The following KCNQ1OT1 variants were observed in gnomAD, a reference collection of about 807,000 sequenced individuals.
KCNQ1OT1 encodes the protein KCNQ1 antisense RNA 2 (non-protein coding).
chr11:2,699,978 G>A (rs970080056), exon 1 of KCNQ1OT1: 25 of 398,328 alleles, frequency 6.3e-5, no homozygotes, highest in South Asian at 1.3e-4. Context: ...GTGCTGAGGC[G>A]ACGCGGCGAC....
In KCNQ1OT1 at chr11:2,691,340, A is replaced by G. The variant is rs1010830629; in HGVS notation, n.8655T>C. The G allele has an allele frequency of 7.5e-6, 3 of 398,644 alleles. No homozygotes were observed. Among genetic ancestry groups the G allele is most frequent in the Non-Finnish European group, 1.3e-5 (3 of 226,088 alleles). The allele number at this position is 398,644 out of a possible 1,614,324, so 24.7% of individuals were successfully genotyped here. ...CTGAGCTACAATCCACTGCACTTAC[A>G]GTGACCACCCATCCTGACATCTTGG... On this transcript the variant is annotated non_coding_transcript_exon_variant, in exon 1 of 1. Coordinates refer to ENST00000597346, the Ensembl canonical transcript of KCNQ1OT1. The surrounding 1 kb of genome is among the most constrained non-coding windows in gnomAD (Gnocchi z 6.4).
chr11:2,673,749 AC>A lies in KCNQ1OT1; in HGVS notation n.26245del. 2.5e-6 allele frequency: 1 copy of A among 398,584 alleles called. No homozygotes were observed. Among genetic ancestry groups the A allele is most frequent in the East Asian group, 3.6e-5 (1 of 27,964 alleles). 24.7% of individuals were successfully genotyped at this position (398,584 alleles called of 1,614,324 possible). A position where few individuals can be genotyped will look rare whatever the true frequency, so the allele number is the denominator to read the frequency against. ...GCCCAGACTGGACAGGGGAAGGGGT[AC>A]AGTCCCTTCTTGCTGGTATGTTGGG... On this transcript the variant is annotated non_coding_transcript_exon_variant, in exon 1 of 1. Transcript: ENST00000597346. The surrounding 1 kb of genome is among the most constrained non-coding windows in gnomAD (Gnocchi z 4.5).
At chr11:2,688,465 C>A (rs538392395) in exon 1 of KCNQ1OT1, 1 of 398,750 alleles carries the variant, frequency 2.5e-6, no homozygotes, top group South Asian at 1.3e-4. Context: ...CAGGAGAACA[C>A]CACACTGAGG....
exon 1 of KCNQ1OT1, chr11:2,662,669 C>T (rs888444744): frequency 3.0e-5 from 12 of 405,076 alleles, no homozygotes; most frequent in Admixed American, 1.2e-4. Flanking sequence ...CATGTGACTC[C>T]CCGCTGGGGT....
chr11:2,641,713 C>A, exon 1 of KCNQ1OT1: 1 of 398,350 alleles, frequency 2.5e-6, no homozygotes, highest in Non-Finnish European at 4.4e-6. Context: ...TTCCCTAGAC[C>A]AATGTCCTAA....
Position 2,611,785 on chromosome 11 carries a change from CCT to C in KCNQ1OT1, n.88208_88209del, listed in dbSNP as rs1383997181. ...CTATATGTCTCATATCACTTTTGTT[CCT>C]CTCTTCCTCCTTTACTGCCTTCTGC... On this transcript the variant is annotated non_coding_transcript_exon_variant, in exon 1 of 1. Coordinates refer to ENST00000597346, the Ensembl canonical transcript of KCNQ1OT1. The surrounding 1 kb of genome is among the most constrained non-coding windows in gnomAD (Gnocchi z 5.3). The C allele has an allele frequency of 2.5e-6, 1 of 398,200 alleles. No individual in the cohort carries two copies. The highest frequency in any genetic ancestry group is 2.1e-5 in the African/African-American group (1 of 48,562). The allele number at this position is 398,200 out of a possible 1,614,324, so 24.7% of individuals were successfully genotyped here. A position where few individuals can be genotyped will look rare whatever the true frequency, so the allele number is the denominator to read the frequency against.
exon 1 of KCNQ1OT1, chr11:2,615,403 C>G (rs1344098762): frequency 5.0e-6 from 2 of 397,838 alleles, no homozygotes; most frequent in Non-Finnish European, 8.9e-6. Flanking sequence ...GTTTATTTAT[C>G]TGCCTAATTG....
At position 2,678,884 on chromosome 11, in the gene KCNQ1OT1, G is replaced by C; in HGVS notation, n.21111C>G. 2.5e-6 allele frequency: 1 copy of C among 398,526 alleles called. No individual in the cohort carries two copies. The highest frequency in any genetic ancestry group is 4.4e-5 in the Admixed American group (1 of 22,730). 24.7% of individuals were successfully genotyped at this position (398,526 alleles called of 1,614,324 possible). On this transcript the variant is annotated non_coding_transcript_exon_variant, in exon 1 of 1. Coordinates refer to ENST00000597346, the Ensembl canonical transcript of KCNQ1OT1. This position sits in a 1 kb window ranked among gnomAD's most constrained non-coding sequence, Gnocchi z 4.9. ...ACAGGAGTTGCCAGCTGGACCCAAG[G>C]ACCATTTCGTATACATGTATGATCA...
Position 2,690,868 on chromosome 11 carries a change from A to G in KCNQ1OT1, n.9127T>C, listed in dbSNP as rs1336968183. On this transcript the variant is annotated non_coding_transcript_exon_variant, in exon 1 of 1. Coordinates refer to ENST00000597346, the Ensembl canonical transcript of KCNQ1OT1. This position sits in a 1 kb window ranked among gnomAD's most constrained non-coding sequence, Gnocchi z 5.1. ...TAGGAACAGGTACCTTTAGGGACAC[A>G]GGAGTGTAAGCCACTGTTTCCGTCT... is the stretch of plus-strand genomic sequence containing the variant. The G allele has an allele frequency of 2.5e-6, 1 of 398,512 alleles. No homozygotes were observed. The highest frequency in any genetic ancestry group is 4.4e-6 in the Non-Finnish European group (1 of 226,080). The allele number at this position is 398,512 out of a possible 1,614,324, so 24.7% of individuals were successfully genotyped here. A position where few individuals can be genotyped will look rare whatever the true frequency, so the allele number is the denominator to read the frequency against.
At chr11:2,694,165 CTGAT>C (rs1850634473) in exon 1 of KCNQ1OT1, 1 of 398,554 alleles carries the variant, frequency 2.5e-6, no homozygotes, top group Non-Finnish European at 4.4e-6. Context: ...AGAGGGTACT[CTGAT>C]TGGCCAGGCC....
chr11:2,621,717 C>A lies in KCNQ1OT1; in HGVS notation n.78278G>T, dbSNP rs1295458180. On this transcript the variant is annotated non_coding_transcript_exon_variant, in exon 1 of 1. Coordinates refer to ENST00000597346, the Ensembl canonical transcript of KCNQ1OT1. The surrounding 1 kb of genome is among the most constrained non-coding windows in gnomAD (Gnocchi z 5.7). Reference sequence around the variant, plus strand: ...TATGATCCTTTTTATTTCTGAAGTACCTGTTGTAATATATTCTCCATTTTC... The same window carrying A: ...TATGATCCTTTTTATTTCTGAAGTAACTGTTGTAATATATTCTCCATTTTC... The A allele has an allele frequency of 2.3e-5, 9 of 398,088 alleles. No individual in the cohort carries two copies. The highest frequency in any genetic ancestry group is 4.0e-5 in the Non-Finnish European group (9 of 225,954). The allele number at this position is 398,088 out of a possible 1,614,324, so 24.7% of individuals were successfully genotyped here. A position where few individuals can be genotyped will look rare whatever the true frequency, so the allele number is the denominator to read the frequency against.
chr11:2,691,874 CT>C lies in KCNQ1OT1; in HGVS notation n.8120del, dbSNP rs1850594233. The C allele has an allele frequency of 2.5e-6, 1 of 398,652 alleles. No homozygotes were observed. The allele number at this position is 398,652 out of a possible 1,614,324, so 24.7% of individuals were successfully genotyped here. ...GGTCCTCTTTTCCATCCCTCCAGTT[CT>C]CCTGGCTTTCTTGCCATCTTTCTGG... is the stretch of plus-strand genomic sequence containing the variant. On this transcript the variant is annotated non_coding_transcript_exon_variant, in exon 1 of 1. Transcript: ENST00000597346. The surrounding 1 kb of genome is among the most constrained non-coding windows in gnomAD (Gnocchi z 6.4).
At chr11:2,628,808 G>T (rs1301149641) in exon 1 of KCNQ1OT1, 1 of 398,268 alleles carries the variant, frequency 2.5e-6, no homozygotes, top group Non-Finnish European at 4.4e-6. Flanking sequence ...GTAGGGTAAG[G>T]TTCCAATTTA....
At chr11:2,614,704 A>G (rs566467283) in exon 1 of KCNQ1OT1, 1 of 398,408 alleles carries the variant, frequency 2.5e-6, no homozygotes, top group African/African-American at 2.1e-5. Context: ...GTTTATTTCT[A>G]CATTCTCTAT....
Position 2,695,452 on chromosome 11 carries a change from A to T in KCNQ1OT1, n.4543T>A, listed in dbSNP as rs1376960823. ...TTTCTGTTTGGCATTTGTGTCACTC[A>T]GCACTGTGTTTCCACGCGTCTCTAT... On this transcript the variant is annotated non_coding_transcript_exon_variant, in exon 1 of 1. Transcript: ENST00000597346. This position sits in a 1 kb window ranked among gnomAD's most constrained non-coding sequence, Gnocchi z 5.2. 2.5e-6 allele frequency: 1 copy of T among 398,478 alleles called. No individual in the cohort carries two copies. Among genetic ancestry groups the T allele is most frequent in the East Asian group, 3.6e-5 (1 of 28,092 alleles). The allele number at this position is 398,478 out of a possible 1,614,324, so 24.7% of individuals were successfully genotyped here.
In KCNQ1OT1 at chr11:2,668,895, T is replaced by C. The variant is rs1051225938; in HGVS notation, n.31100A>G. ...TGACTACTCCAAGGTCATAAAGATA[T>C]TCTGGTTTATTCTAAAGCTTTATTA... On this transcript the variant is annotated non_coding_transcript_exon_variant, in exon 1 of 1. Transcript: ENST00000597346. The surrounding 1 kb of genome is among the most constrained non-coding windows in gnomAD (Gnocchi z 4.3). 2.0e-5 allele frequency: 8 copies of C among 398,500 alleles called. No homozygotes were observed. Among genetic ancestry groups the C allele is most frequent in the African/African-American group, 1.6e-4 (8 of 48,622 alleles). The allele number at this position is 398,500 out of a possible 1,614,324, so 24.7% of individuals were successfully genotyped here.
At chr11:2,655,636 A>T in exon 1 of KCNQ1OT1, 1 of 398,728 alleles carries the variant, frequency 2.5e-6, no homozygotes, top group Non-Finnish European at 4.4e-6. Flanking sequence ...CCCTGGCCTG[A>T]AAGAGGCAGC....
chr11:2,684,712 G>A (rs1194454785), exon 1 of KCNQ1OT1: 1 of 398,582 alleles, frequency 2.5e-6, no homozygotes, highest in Non-Finnish European at 4.4e-6. Context: ...AGGCGGAGGG[G>A]CCTGGAGAGA....
At chr11:2,619,661 A>C (rs1428481870) in exon 1 of KCNQ1OT1, 2 of 395,682 alleles carry the variant, frequency 5.1e-6, no homozygotes, top group African/African-American at 4.2e-5. Flanking sequence ...CCTGGGTATC[A>C]AGGTGATGCT....
Sources: gnomAD v4.1 joint callset for allele counts on GRCh38, gnomAD v4.1.1 for gene constraint, Gnocchi (gnomAD v3.1) non-coding constraint, MANE v1.5 for transcripts, NCBI Gene and HGNC (gene_info 2026-07-23, HGNC 2026-07-21) for gene names.